The following ADARB2 variants were observed in gnomAD, a reference collection of about 807,000 sequenced individuals.
ADARB2 encodes adenosine deaminase RNA specific B2 (inactive).
ADARB2 carries 25 observed loss-of-function variants against 62.2 expected under a neutral mutation model. The ratio of observed to expected loss-of-function variants is 0.40; its 90% CI spans 0.29 to 0.56. The LOEUF (loss-of-function observed/expected upper bound fraction) is 0.56. Among genes scored for constraint, ADARB2 ranks in the 20% least tolerant of loss-of-function variants. ADARB2 has a pLI of 0.43. For missense variants in ADARB2, 1,071 were observed against 1,077.4 expected (o/e 0.99, Z 0.08); for synonymous variants, 572 against 500.8 (o/e 1.14, Z -1.90).
intron 1 of ADARB2, among the ~76,000 whole-genome samples, chr10:1,684,557 C>G (rs1448837797): frequency 6.6e-6 from 1 of 152,182 alleles, no homozygotes; most frequent in Non-Finnish European, 1.5e-5. Context: ...GTAGAAAGTT[C>G]TAGATTTCCT....
intron 1 of ADARB2, among the ~76,000 whole-genome samples, chr10:1,625,899 C>CTGCCTGACCGCCCCACTTCTCACGCCTG: frequency 6.6e-6 from 1 of 152,240 alleles, no homozygotes; most frequent in East Asian, 1.9e-4. Context: ...TCTCACGCCT[C>CTGCCTGACCGCCCCACTTCTCACGCCTG]TGCCTGACCC....
At chr10:1,296,730 A>T (rs1485565825) in intron 3 of ADARB2, among the ~76,000 whole-genome samples, 1 of 152,242 alleles carries the variant, frequency 6.6e-6, no homozygotes, top group Non-Finnish European at 1.5e-5. Flanking sequence ...GGAAAGGAGG[A>T]GGCCCTGCTG....
At chr10:1,332,556 T>C (rs908495920) in intron 3 of ADARB2, among the ~76,000 whole-genome samples, 1 of 149,086 alleles carries the variant, frequency 6.7e-6, no homozygotes, top group Non-Finnish European at 1.5e-5. Context: ...AAGAATGGCA[T>C]ATTTTTGATA....
At chr10:1,494,300 G>A (rs1564307372) in intron 1 of ADARB2, among the ~76,000 whole-genome samples, 2 of 152,028 alleles carry the variant, frequency 1.3e-5, no homozygotes, top group Non-Finnish European at 2.9e-5. Context: ...TTGGGTCTGA[G>A]GTCAATCAAC....
rs1407407722 is a variant in ADARB2 at position 1,681,884 on chromosome 10, G to C, written c.100+55167C>G. ...GTGAAAGTGCAGCACACTCCGCAGA[G>C]ACTCAAGGGTGTGAGGGTGCATCTA... is the stretch of plus-strand genomic sequence containing the variant. On this transcript the variant is annotated intron_variant, in intron 1 of 9. Coordinates refer to ENST00000381312, the MANE Select transcript of ADARB2 (RefSeq NM_018702.4). 2.6e-5 allele frequency among the ~76,000 whole-genome samples: 4 copies of C among 152,184 alleles called. 1 individual carries two copies. The highest frequency in any genetic ancestry group is 4.1e-4 in the South Asian group (2 of 4,828).
chr10:1,484,797 C>T (rs963453669), intron 1 of ADARB2, among the ~76,000 whole-genome samples: 8 of 151,996 alleles, frequency 5.3e-5, no homozygotes, highest in African/African-American at 1.7e-4. Flanking sequence ...AATGCAGGTA[C>T]CCATGTAGAC....
intron 3 of ADARB2, among the ~76,000 whole-genome samples, chr10:1,286,882 G>A (rs1831418530): frequency 6.6e-6 from 1 of 152,170 alleles, no homozygotes; most frequent in African/African-American, 2.4e-5. Flanking sequence ...TCAGCATCCA[G>A]CACTCAAATA....
chr10:1,600,113 G>C (rs1833390855), intron 1 of ADARB2, among the ~76,000 whole-genome samples: 1 of 152,114 alleles, frequency 6.6e-6, no homozygotes, highest in East Asian at 1.9e-4. Flanking sequence ...ACGTGACAAT[G>C]CCAGGTTCAC....
chr10:1,424,841 T>C (rs1009862975), intron 1 of ADARB2, among the ~76,000 whole-genome samples: 12 of 152,166 alleles, frequency 7.9e-5, no homozygotes, highest in Non-Finnish European at 1.0e-4. Context: ...CCCGAGATGT[T>C]TGAAGACAAG....
In ADARB2 at chr10:1,241,640, G is replaced by C. The variant is rs917710009; in HGVS notation, c.1361+491C>G. Among the ~76,000 whole-genome samples, 7 of 152,358 alleles carry C rather than the reference G, an allele frequency of 4.6e-5. No individual in the cohort carries two copies. In the South Asian group the frequency reaches 6.2e-4, roughly 14 times the overall value. Reference sequence around the variant, plus strand: ...GACAGCCACCAATGCCTGATGGCCAGAGCAGGCCAGGGAACCCTGGGAATC... The same window carrying C: ...GACAGCCACCAATGCCTGATGGCCACAGCAGGCCAGGGAACCCTGGGAATC... On this transcript the variant is annotated intron_variant, in intron 5 of 9. Coordinates refer to ENST00000381312, the MANE Select transcript of ADARB2 (RefSeq NM_018702.4).
chr10:1,430,151 G>A (rs968514746), intron 1 of ADARB2, among the ~76,000 whole-genome samples: 5 of 152,158 alleles, frequency 3.3e-5, no homozygotes, highest in Admixed American at 2.6e-4. Flanking sequence ...TGCTTTACTC[G>A]AAGTGGCAAG....
chr10:1,673,086 C>G (rs561452261), intron 1 of ADARB2, among the ~76,000 whole-genome samples: 1 of 152,154 alleles, frequency 6.6e-6, no homozygotes, highest in East Asian at 1.9e-4. Flanking sequence ...GGCTTCACCT[C>G]ATTCCTTTTG....
In ADARB2 at chr10:1,200,140, C is replaced by T. The variant is rs1836966043; in HGVS notation, c.1690G>A (p.Val564Ile). 4.5e-6 allele frequency: 7 copies of T among 1,550,316 alleles called. No homozygotes were observed. The highest frequency in any genetic ancestry group is 2.7e-5 in the African/African-American group (2 of 73,100). ...SCTDKIARWN[V>I]LGLQGALLSH... is the part of the protein sequence containing the mutation. Reference sequence around the variant, plus strand: ...AGGAGCGCGCCCTGCAGCCCCAGGACGTTCCACCTGTGGGGAGAGCCAGCA... The same window carrying T: ...AGGAGCGCGCCCTGCAGCCCCAGGATGTTCCACCTGTGGGGAGAGCCAGCA... Residue 564 changes from valine to isoleucine, a missense_variant, in exon 8 of 10, where the codon GTC becomes ATC. Val to Ile is a conservative substitution (Grantham distance 29). Coordinates refer to ENST00000381312, the MANE Select transcript of ADARB2 (RefSeq NM_018702.4).
chr10:1,485,932 C>T (rs1831538037), intron 1 of ADARB2, among the ~76,000 whole-genome samples: 1 of 152,224 alleles, frequency 6.6e-6, no homozygotes, highest in African/African-American at 2.4e-5. Flanking sequence ...CCTCTCTCTT[C>T]TAACTTCATC....
chr10:1,232,434 G>A (rs1279231065), intron 6 of ADARB2, among the ~76,000 whole-genome samples: 3 of 150,524 alleles, frequency 2.0e-5, no homozygotes, highest in African/African-American at 7.3e-5. Context: ...TGTGGTGTGT[G>A]TTTGCAGTGT....
rs545129849 is a variant in ADARB2, at chr10:1,432,444, A to G, written c.101-53284T>C. Reference sequence around the variant, plus strand: ...CCCTAATTCTCTGAAGTTTTACACAATAGAGTTTGTCTTCCATTTCATGAA... The same window carrying G: ...CCCTAATTCTCTGAAGTTTTACACAGTAGAGTTTGTCTTCCATTTCATGAA... On this transcript the variant is annotated intron_variant, in intron 1 of 9. Transcript: ENST00000381312. 4.5e-4 allele frequency among the ~76,000 whole-genome samples: 69 copies of G among 151,816 alleles called. No homozygotes were observed. The South Asian group carries it at 8.4e-3, about 18-fold the overall frequency.
intron 3 of ADARB2, among the ~76,000 whole-genome samples, chr10:1,285,580 G>A (rs1323555947): frequency 6.6e-6 from 1 of 152,014 alleles, no homozygotes; most frequent in Non-Finnish European, 1.5e-5. Flanking sequence ...TAAGTGGGGA[G>A]TTGGCCCCAT....
intron 4 of ADARB2, among the ~76,000 whole-genome samples, chr10:1,252,222 A>C (rs1009533341): frequency 2.0e-5 from 3 of 152,272 alleles, no homozygotes; most frequent in Non-Finnish European, 4.4e-5. Flanking sequence ...GAAAACTGAA[A>C]GTAAAATATA....
chr10:1,609,757 G>A (rs1280780109), intron 1 of ADARB2, among the ~76,000 whole-genome samples: 7 of 152,342 alleles, frequency 4.6e-5, no homozygotes, highest in African/African-American at 7.2e-5. Flanking sequence ...TACTGGGCCC[G>A]GGTGAGCTGT....
Sources: gnomAD v4.1 joint callset for allele counts (sites outside exome capture counted in the v4.1 genomes callset) on GRCh38, gnomAD v4.1.1 for gene constraint, MANE v1.5 for transcripts, NCBI Gene and HGNC (gene_info 2026-07-23, HGNC 2026-07-21) for gene names.